The following ZFYVE28 variants were observed in gnomAD, a reference collection of about 807,000 sequenced individuals.
ZFYVE28 encodes zinc finger FYVE-type containing 28, also known as lateral signaling target protein 2 homolog.
Under a neutral mutation model 82.1 loss-of-function variants are expected in ZFYVE28, and 40 were observed. The ratio of observed to expected loss-of-function variants is 0.49; its 90% CI spans 0.38 to 0.63. The LOEUF (loss-of-function observed/expected upper bound fraction) is 0.63, where lower values mean the gene tolerates loss of function less well. ZFYVE28 is among the 30% of genes least tolerant of loss of function. The pLI is 0.00. For missense variants in ZFYVE28, 1,321 were observed against 1,242.1 expected, an observed-to-expected ratio of 1.06 and a Z score of -0.96; for synonymous variants, 612 against 546.1, an observed-to-expected ratio of 1.12 and a Z score of -1.68.
At position 2,270,806 on chromosome 4, in the gene ZFYVE28, C is replaced by A; in HGVS notation, c.2583G>T (p.Gly861=). ...TGCACACTCGGACCGGCTTCACCTG[C>A]CCGTAGCGGGGCAGCGGTGCTGAGT... The part of the protein sequence containing the change: ...SSHSAPLPRY[G]QVKPVRVCTH... The change falls in exon 13 of 13, where the codon GGG becomes GGT. Residue 861 remains glycine, a synonymous_variant. Coordinates refer to ENST00000290974, the MANE Select transcript of ZFYVE28 (RefSeq NM_020972.3). The A allele has an allele frequency of 6.2e-7, 1 of 1,613,076 alleles. No individual in the cohort carries two copies. The highest frequency in any genetic ancestry group is 1.1e-5 in the South Asian group (1 of 91,078).
chr4:2,416,489 G>A lies in ZFYVE28; in HGVS notation c.39+1796C>T, dbSNP rs1733050348. ...GTCACAGAAAATAATGCTGCTGCAC[G>A]CCCCCAAAACGCCGTTTTACAAGCA... On this transcript the variant is annotated intron_variant, in intron 1 of 12. Coordinates refer to ENST00000290974, the MANE Select transcript of ZFYVE28 (RefSeq NM_020972.3). This position sits in a 1 kb window ranked among gnomAD's most constrained non-coding sequence, Gnocchi z 4.6. Among the ~76,000 whole-genome samples the A allele has an allele frequency of 6.6e-6, 1 of 152,122 alleles. No homozygotes were observed. The highest frequency in any genetic ancestry group is 6.6e-5 in the Admixed American group (1 of 15,266).
intron 8 of ZFYVE28, among the ~76,000 whole-genome samples, chr4:2,276,234 C>A (rs1268617179): frequency 6.6e-6 from 1 of 152,218 alleles, no homozygotes; most frequent in Non-Finnish European, 1.5e-5. Flanking sequence ...TTTGCCGGAA[C>A]GTGGGAGCAC....
At chr4:2,333,889 G>C (rs1721134584) in intron 6 of ZFYVE28, among the ~76,000 whole-genome samples, 1 of 152,222 alleles carries the variant, frequency 6.6e-6, no homozygotes, top group Non-Finnish European at 1.5e-5. Flanking sequence ...GCCACAGAGA[G>C]ACACTTGTCT....
At chr4:2,382,825 G>T (rs751726429) in intron 1 of ZFYVE28, among the ~76,000 whole-genome samples, 1 of 152,142 alleles carries the variant, frequency 6.6e-6, no homozygotes, top group Non-Finnish European at 1.5e-5. Context: ...TGGACTTACA[G>T]TTCCATATGG....
chr4:2,406,851 C>T (rs1484199458), intron 1 of ZFYVE28, among the ~76,000 whole-genome samples: 2 of 151,982 alleles, frequency 1.3e-5, no homozygotes, highest in Non-Finnish European at 2.9e-5. Context: ...GGATTATTTC[C>T]TTTATTCTCT....
At chr4:2,364,256 G>A (rs1726557685) in intron 1 of ZFYVE28, among the ~76,000 whole-genome samples, 1 of 152,172 alleles carries the variant, frequency 6.6e-6, no homozygotes, top group South Asian at 2.1e-4. Context: ...CCAGGGCTCG[G>A]TGCTGAGCCC....
intron 1 of ZFYVE28, among the ~76,000 whole-genome samples, chr4:2,384,452 C>A (rs1394788672): frequency 2.0e-5 from 3 of 152,126 alleles, no homozygotes; most frequent in South Asian, 2.1e-4. Flanking sequence ...TGTGACTGAC[C>A]ACTGGAGGGG....
rs778735670 is a variant in ZFYVE28, at chr4:2,304,492, G to T, written c.1848C>A (p.Pro616=). The change falls in exon 8 of 13, where the codon CCC becomes CCA. Residue 616 remains proline (P), a synonymous_variant. Coordinates refer to ENST00000290974, the MANE Select transcript of ZFYVE28 (RefSeq NM_020972.3). ...CCCGCCCGTTGGAGGCATCTTCTGA[G>T]GGTGGGGGCGCCTCCTCCTGTCTCT... ...APERQEEAPP[P]SEDASNGREP... 3.1e-6 allele frequency: 5 copies of T among 1,612,932 alleles called. No homozygotes were observed. The highest frequency in any genetic ancestry group is 4.2e-6 in the Non-Finnish European group (5 of 1,179,676).
intron 1 of ZFYVE28, among the ~76,000 whole-genome samples, chr4:2,358,101 TCA>T (rs1725605055): frequency 6.6e-6 from 1 of 152,162 alleles, no homozygotes; most frequent in Admixed American, 6.5e-5. Context: ...CTCGGCTCAC[TCA>T]CACACTTCCT....
In ZFYVE28 at chr4:2,300,484, G is replaced by A. The variant is rs77182340; in HGVS notation, c.2051+3805C>T. Among the ~76,000 whole-genome samples, 1 of 152,100 alleles carries A rather than the reference G, an allele frequency of 6.6e-6. No individual in the cohort carries two copies. Among genetic ancestry groups the A allele is most frequent in the Non-Finnish European group, 1.5e-5 (1 of 68,002 alleles). ...CAAGGCTGATTCACTGCTGTCTGTC[G>A]AGGACGATGTCCGGACTCCCAGGTG... On this transcript the variant is annotated intron_variant, in intron 8 of 12. Transcript: ENST00000290974. The surrounding 1 kb of genome is among the most constrained non-coding windows in gnomAD (Gnocchi z 4.6).
intron 4 of ZFYVE28, among the ~76,000 whole-genome samples, chr4:2,337,865 T>C (rs1242133485): frequency 3.1e-5 from 3 of 97,430 alleles, no homozygotes; most frequent in East Asian, 4.8e-4. Context: ...AGCAAGACCT[T>C]TTCTCTTAAA....
At chr4:2,356,659 G>T (rs150411835) in intron 1 of ZFYVE28, among the ~76,000 whole-genome samples, 1,616 of 152,322 alleles carry the variant, frequency 0.011, 17 homozygotes, top group Non-Finnish European at 0.014. Context: ...CCTCCGTGAT[G>T]AAATGGGAAG....
At position 2,270,386 on chromosome 4, in the gene ZFYVE28, A is replaced by G; in HGVS notation, c.*339T>C. 3.0e-6 allele frequency: 1 copy of G among 336,806 alleles called. No individual in the cohort carries two copies. The highest frequency in any genetic ancestry group is 6.7e-5 in the East Asian group (1 of 14,922). The allele number at this position is 336,806 out of a possible 1,614,324, so 20.9% of individuals were successfully genotyped here. A position where few individuals can be genotyped will look rare whatever the true frequency, so the allele number is the denominator to read the frequency against. On this transcript the variant is annotated 3_prime_UTR_variant, in exon 13 of 13. Transcript: ENST00000290974. ...AGTGGCCCCACTCTTGTCCACCTCC[A>G]TCACCCGCCCCGATTCCCATAGCCC...
At position 2,300,527 on chromosome 4, in the gene ZFYVE28, G is replaced by A. The variant is rs777285814; in HGVS notation, c.2051+3762C>T. Among the ~76,000 whole-genome samples the A allele has an allele frequency of 5.3e-5, 8 of 152,238 alleles. No individual in the cohort carries two copies. Among genetic ancestry groups the A allele is most frequent in the Non-Finnish European group, 8.8e-5 (6 of 68,022 alleles). ...CCCAGGTGACAGCACCTGAGGAAACGCTCCAGAGAGGGGCTCCTCCTGGCT... is the reference window on the plus strand; with the variant it reads ...CCCAGGTGACAGCACCTGAGGAAACACTCCAGAGAGGGGCTCCTCCTGGCT... On this transcript the variant is annotated intron_variant, in intron 8 of 12. Coordinates refer to ENST00000290974, the MANE Select transcript of ZFYVE28 (RefSeq NM_020972.3). This position sits in a 1 kb window ranked among gnomAD's most constrained non-coding sequence, Gnocchi z 4.6.
chr4:2,339,573 C>G lies in ZFYVE28; in HGVS notation c.401G>C (p.Ser134Thr). 1 of 1,612,830 alleles carries G rather than the reference C, an allele frequency of 6.2e-7. No individual in the cohort carries two copies. The highest frequency in any genetic ancestry group is 8.5e-7 in the Non-Finnish European group (1 of 1,179,714). ...GAGGGCGCCCCGCACGTCCTCCAGG[C>G]TGCGCGTCAGCTCCTTGGCCAGCGG... ...MRPLAKELTRSLEDVRGALRD... is the reference protein window; with the variant it reads ...MRPLAKELTRTLEDVRGALRD... The change falls in exon 4 of 13, where the codon AGC (serine) becomes ACC (threonine). Residue 134 changes from serine (S) to threonine (T), a missense_variant. Coordinates refer to ENST00000290974, the MANE Select transcript of ZFYVE28 (RefSeq NM_020972.3). This position sits in a 1 kb window ranked among gnomAD's most constrained non-coding sequence, Gnocchi z 5.0.
chr4:2,395,073 C>T (rs1730287421), intron 1 of ZFYVE28, among the ~76,000 whole-genome samples: 1 of 152,176 alleles, frequency 6.6e-6, no homozygotes. Flanking sequence ...GAAAATCGTA[C>T]CCAATAAGAT....
intron 8 of ZFYVE28, among the ~76,000 whole-genome samples, chr4:2,296,558 G>T (rs1442680646): frequency 6.6e-6 from 1 of 151,990 alleles, no homozygotes; most frequent in East Asian, 1.9e-4. Flanking sequence ...TTCCTGCCAG[G>T]GGCATGAAGT....
chr4:2,418,336 C>A lies in ZFYVE28; in HGVS notation c.-13G>T. 1.3e-6 allele frequency: 2 copies of A among 1,505,546 alleles called. No homozygotes were observed. Among genetic ancestry groups the A allele is most frequent in the Non-Finnish European group, 1.8e-6 (2 of 1,124,742 alleles). 93.3% of individuals were successfully genotyped at this position (1,505,546 alleles called of 1,614,324 possible). ...ACCTGTTCATCATCGCCGCGCCGGC[C>A]CTGGCCGGACTCCGGGCGGCCCTCG... On this transcript the variant is annotated 5_prime_UTR_variant, in exon 1 of 13. Coordinates refer to ENST00000290974, the MANE Select transcript of ZFYVE28 (RefSeq NM_020972.3). The surrounding 1 kb of genome is among the most constrained non-coding windows in gnomAD (Gnocchi z 4.6).
At position 2,305,131 on chromosome 4, in the gene ZFYVE28, C is replaced by T. The variant is rs148434243; in HGVS notation, c.1209G>A (p.Met403Ile). The change falls in exon 8 of 13, where the codon ATG (methionine) becomes ATA (isoleucine). Residue 403 changes from methionine to isoleucine, a missense_variant. Physicochemically the swap from Met to Ile is conservative, Grantham distance 10 (BLOSUM62 1). Coordinates refer to ENST00000290974, the MANE Select transcript of ZFYVE28 (RefSeq NM_020972.3). ...CTTCTGCCGTCCCCTCCACGTCATCCATGAAGAACACGCGCTCCTCCTCGT... is the reference window on the plus strand; with the variant it reads ...CTTCTGCCGTCCCCTCCACGTCATCTATGAAGAACACGCGCTCCTCCTCGT... The part of the protein sequence containing the change: ...GSDEEERVFF[M>I]DDVEGTAEAL... 6.3e-7 allele frequency: 1 copy of T among 1,591,500 alleles called. No homozygotes were observed. The highest frequency in any genetic ancestry group is 8.6e-7 in the Non-Finnish European group (1 of 1,167,654).
Sources: allele counts gnomAD v4.1 joint callset (sites outside exome capture counted in the v4.1 genomes callset), GRCh38; gene constraint gnomAD v4.1.1; non-coding constraint Gnocchi (gnomAD v3.1); transcripts MANE v1.5; gene names NCBI Gene and HGNC (gene_info 2026-07-23, HGNC 2026-07-21).